The following RGS20 variants were observed in gnomAD, a reference collection of about 807,000 sequenced individuals.
RGS20 encodes the protein gz-selective GTPase-activating protein.
Under a neutral mutation model 33.6 loss-of-function variants are expected in RGS20, and 30 were observed. That is an observed-to-expected ratio of 0.89 (90% CI 0.67 to 1.21). The LOEUF is 1.21. Among genes scored for constraint, RGS20 ranks in the 50% most tolerant of loss-of-function variants. RGS20 has a pLI of 0.00. For synonymous variants in RGS20, 208 were observed against 197.9 expected, an observed-to-expected ratio of 1.05 and a Z score of -0.43; for missense variants, 472 against 502.4, an observed-to-expected ratio of 0.94 and a Z score of 0.58.
At chr8:53,914,817 A>G (rs1813440602) in intron 2 of RGS20, 1 of 152,210 alleles carries the variant, frequency 6.6e-6, no homozygotes, top group Non-Finnish European at 1.5e-5. Context: ...GAAGCATTCC[A>G]TAAAAAGAAA....
intron 2 of RGS20, among the ~76,000 whole-genome samples, chr8:53,890,976 A>C (rs1812695592): frequency 6.6e-6 from 1 of 152,200 alleles, no homozygotes; most frequent in Non-Finnish European, 1.5e-5. Flanking sequence ...TGGAAGACTC[A>C]GTCTTGCCTT....
chr8:53,937,206 G>A lies in RGS20; in HGVS notation c.511-2370G>A, dbSNP rs144412257. On this transcript the variant is annotated intron_variant, in intron 2 of 5. Transcript: ENST00000297313. ...TACCTAATGTAAATGATGAGTTAAC[G>A]GGTGAAGCATACCAACATGGCACAT... Among the ~76,000 whole-genome samples the A allele has an allele frequency of 4.7e-3, 721 of 152,084 alleles. 4 individuals are homozygous for A. The highest frequency in any genetic ancestry group is 9.6e-3 in the African/African-American group (399 of 41,490).
At chr8:53,923,538 T>G (rs1384906395) in intron 2 of RGS20, among the ~76,000 whole-genome samples, 1 of 151,704 alleles carries the variant, frequency 6.6e-6, no homozygotes, top group East Asian at 1.9e-4. Context: ...AAGGTTGCAG[T>G]GAGCCAAAAT....
intron 4 of RGS20, among the ~76,000 whole-genome samples, chr8:53,947,519 A>G (rs182792299): frequency 5.1e-5 from 7 of 136,754 alleles, no homozygotes; most frequent in African/African-American, 1.9e-4. Context: ...ATACATTTAT[A>G]TATGCTATAT....
At chr8:53,907,195 A>G (rs1265528945) in intron 2 of RGS20, among the ~76,000 whole-genome samples, 1 of 152,200 alleles carries the variant, frequency 6.6e-6, no homozygotes, top group Non-Finnish European at 1.5e-5. Context: ...ATCTCAGATA[A>G]CAAAGCATGC....
At chr8:53,893,890 ACTCAC>A (rs1812782888) in intron 2 of RGS20, among the ~76,000 whole-genome samples, 2 of 152,058 alleles carry the variant, frequency 1.3e-5, no homozygotes. Context: ...AAAGCGAAAA[ACTCAC>A]CCGAGCATGT....
chr8:53,930,382 C>T (rs1035393787), intron 2 of RGS20, among the ~76,000 whole-genome samples: 4 of 152,128 alleles, frequency 2.6e-5, no homozygotes, highest in African/African-American at 9.7e-5. Flanking sequence ...TTTGAAGAGA[C>T]CCTTACCCCA....
chr8:53,908,824 C>T (rs1813255090), intron 2 of RGS20, among the ~76,000 whole-genome samples: 1 of 151,688 alleles, frequency 6.6e-6, no homozygotes, highest in African/African-American at 2.4e-5. Flanking sequence ...AATAAATAAA[C>T]AAACTATCAT....
At position 53,858,313 on chromosome 8, in the gene RGS20, C is replaced by T. The variant is rs530194977; in HGVS notation, c.165+6249C>T. Among the ~76,000 whole-genome samples the T allele has an allele frequency of 6.6e-5, 10 of 152,258 alleles. No individual in the cohort carries two copies. The South Asian group carries it at 2.1e-3, about 32-fold the overall frequency. ...CTAATCTGAGCACCTGTACACTCCA[C>T]TTACAATTCTGATTAAGAATCTGAA... On this transcript the variant is annotated intron_variant, in intron 1 of 5. Transcript: ENST00000297313.
intron 4 of RGS20, among the ~76,000 whole-genome samples, chr8:53,948,436 GTATATATTTA>G (rs1814604758): frequency 7.5e-6 from 1 of 134,030 alleles, no homozygotes; most frequent in African/African-American, 2.7e-5. Flanking sequence ...ATAAGATACA[GTATATATTTA>G]CATATGCTAT....
At position 53,856,623 on chromosome 8, in the gene RGS20, G is replaced by A. The variant is rs141109136; in HGVS notation, c.165+4559G>A. ...TAGCCAGCAGTTTTTCTAGACAATC[G>A]ACATGAGGAAGAGAAAGCATTACAG... is the stretch of plus-strand genomic sequence containing the variant. On this transcript the variant is annotated intron_variant, in intron 1 of 5. Transcript: ENST00000297313. Among the ~76,000 whole-genome samples the A allele has an allele frequency of 3.9e-5, 6 of 152,250 alleles. No individual in the cohort carries two copies. The East Asian group carries it at 5.8e-4, about 15-fold the overall frequency.
rs1004591173 is a variant in RGS20 at position 53,958,962 on chromosome 8, A to G, written c.*504A>G. ...AGTTCATAAAAGATGTGACCACTAC[A>G]TGTAAAAATAGCATTCTACTTGATC... On this transcript the variant is annotated 3_prime_UTR_variant, in exon 6 of 6. Coordinates refer to ENST00000297313, the MANE Select transcript of RGS20 (RefSeq NM_170587.4). 2.6e-5 allele frequency: 4 copies of G among 152,324 alleles called. No homozygotes were observed. The highest frequency in any genetic ancestry group is 2.6e-4 in the Admixed American group (4 of 15,276). 9.4% of individuals were successfully genotyped at this position (152,324 alleles called of 1,614,324 possible). A position where few individuals can be genotyped will look rare whatever the true frequency, so the allele number is the denominator to read the frequency against.
intron 5 of RGS20, among the ~76,000 whole-genome samples, chr8:53,956,357 G>C (rs1377829441): frequency 6.6e-6 from 1 of 152,156 alleles, no homozygotes; most frequent in African/African-American, 2.4e-5. Flanking sequence ...GAAGTGTCTG[G>C]ATTTTTATCT....
intron 5 of RGS20, among the ~76,000 whole-genome samples, chr8:53,957,971 GTC>G (rs1814921546): frequency 1.3e-5 from 2 of 151,852 alleles, no homozygotes; most frequent in African/African-American, 4.8e-5. Context: ...GAGAAACCCC[GTC>G]TCTACTAAAA....
At chr8:53,853,720 A>G (rs896538986) in intron 1 of RGS20, among the ~76,000 whole-genome samples, 1 of 152,240 alleles carries the variant, frequency 6.6e-6, no homozygotes, top group African/African-American at 2.4e-5. Flanking sequence ...AAAGAGAAAG[A>G]GCAAGATATG....
rs537210996 is a variant in RGS20 at position 53,957,675 on chromosome 8, T to C, written c.979-595T>C. Among the ~76,000 whole-genome samples the C allele has an allele frequency of 2.3e-3, 350 of 152,274 alleles. 2 individuals carry two copies. The highest frequency in any genetic ancestry group is 5.2e-3 in the African/African-American group (218 of 41,554). The stretch of plus-strand genomic sequence containing the variant: ...AGCATCACTTAGAACTTGTGGGAAA[T>C]AACAAGCATCAGGGGCCCCTACACC... On this transcript the variant is annotated intron_variant, in intron 5 of 5. Coordinates refer to ENST00000297313, the MANE Select transcript of RGS20 (RefSeq NM_170587.4).
At chr8:53,954,010 T>C (rs1384047661) in intron 4 of RGS20, 66 bp from the exon 4 acceptor site, 9 of 1,061,912 alleles carry the variant, frequency 8.5e-6, no homozygotes, top group Middle Eastern at 2.0e-4. Flanking sequence ...ATGTTCCTAA[T>C]GATGAATTCC....
chr8:53,861,772 G>C (rs1811813591), intron 1 of RGS20, among the ~76,000 whole-genome samples: 1 of 152,214 alleles, frequency 6.6e-6, no homozygotes, highest in African/African-American at 2.4e-5. Flanking sequence ...GTAAGCTTAT[G>C]ATCAGCAAAT....
intron 1 of RGS20, chr8:53,852,141 T>G (rs929015862): frequency 1.5e-6 from 2 of 1,361,322 alleles, no homozygotes; most frequent in African/African-American, 2.9e-5. Flanking sequence ...AAAACTATAC[T>G]CAAGCTTTAG....
Sources: gnomAD v4.1 joint callset for allele counts (sites outside exome capture counted in the v4.1 genomes callset) on GRCh38, gnomAD v4.1.1 for gene constraint, MANE v1.5 for transcripts, NCBI Gene and HGNC (gene_info 2026-07-23, HGNC 2026-07-21) for gene names.